The following GAD1 variants were observed in gnomAD, a reference collection of about 807,000 sequenced individuals.
GAD1 encodes 67 kDa glutamic acid decarboxylase.
GAD1 carries 35 observed loss-of-function variants against 75.2 expected under a neutral mutation model. That is an observed-to-expected ratio of 0.47 (90% CI 0.36 to 0.62). The LOEUF (loss-of-function observed/expected upper bound fraction) is 0.62. GAD1 is among the 20% of genes least tolerant of loss of function. The pLI is 0.00. For missense variants in GAD1, 490 were observed against 758.5 expected (o/e 0.65, Z 4.16); for synonymous variants, 257 against 271.9 (o/e 0.95, Z 0.54).
chr2:170,851,590 G>A (rs3791850), intron 12 of GAD1, among the ~76,000 whole-genome samples: 29,669 of 152,130 alleles, frequency 0.2, 3,181 homozygotes, highest in Middle Eastern at 0.3. Flanking sequence ...TTTAGCTCTA[G>A]GGAGAGCAGA....
chr2:170,818,396 C>G lies in GAD1; in HGVS notation c.-63-133C>G. On this transcript the variant is annotated intron_variant, in intron 1 of 16. Transcript: ENST00000358196. This position sits in a 1 kb window ranked among gnomAD's most constrained non-coding sequence, Gnocchi z 5.9. ...CCTGCGCACCCCTACCAGGCAGGCT[C>G]GCTGCCTTTCCTCCCTCTTGTCTCT... 1 of 626,912 alleles carries G rather than the reference C, an allele frequency of 1.6e-6. No individual in the cohort carries two copies. Among genetic ancestry groups the G allele is most frequent in the Non-Finnish European group, 2.9e-6 (1 of 346,660 alleles). The allele number at this position is 626,912 out of a possible 1,614,324, so 38.8% of individuals were successfully genotyped here.
chr2:170,820,331 C>T (rs1407758006), intron 2 of GAD1, among the ~76,000 whole-genome samples: 3 of 152,204 alleles, frequency 2.0e-5, no homozygotes, highest in Non-Finnish European at 4.4e-5. Flanking sequence ...GCCTGGTTCG[C>T]CTGGAAGCTG....
chr2:170,823,270 C>G (rs867628647), intron 3 of GAD1, among the ~76,000 whole-genome samples: 3 of 152,230 alleles, frequency 2.0e-5, no homozygotes, highest in Admixed American at 6.5e-5. Flanking sequence ...GAGAGCCGCC[C>G]GCCGCCTGGG....
At position 170,818,575 on chromosome 2, in the gene GAD1, C is replaced by G. The variant is rs1253735999; in HGVS notation, c.-17C>G. ...TCGAGGACTCTGGACAGTAGAGGCCCCGGGACGACCGAGCTGATGGCGTCT... is the reference window on the plus strand; with the variant it reads ...TCGAGGACTCTGGACAGTAGAGGCCGCGGGACGACCGAGCTGATGGCGTCT... On this transcript the variant is annotated 5_prime_UTR_variant, in exon 2 of 17. Transcript: ENST00000358196. This position sits in a 1 kb window ranked among gnomAD's most constrained non-coding sequence, Gnocchi z 5.9. 6.2e-7 allele frequency: 1 copy of G among 1,613,600 alleles called. No individual in the cohort carries two copies.
Position 170,831,094 on chromosome 2 carries a change from G to T in GAD1, c.449G>T (p.Gly150Val), listed in dbSNP as rs2105778502. 6.2e-7 allele frequency: 1 copy of T among 1,614,228 alleles called. No individual in the cohort carries two copies. Among genetic ancestry groups the T allele is most frequent in the South Asian group, 1.1e-5 (1 of 91,084 alleles). ...DFHHPHQLLE[G>V]MEGFNLELSD... ...CATCACCCACACCAGTTGCTGGAAG[G>T]CATGGAGGGCTTCAACTTGGAGCTC... The change falls in exon 5 of 17, where the codon GGC becomes GTC. Residue 150 changes from glycine to valine, a missense_variant. By Grantham distance (109) the Gly-to-Val change is moderately radical. Transcript: ENST00000358196.
At chr2:170,822,023 T>G in intron 2 of GAD1, 64 bp from the exon 3 acceptor site, 1 of 1,333,074 alleles carries the variant, frequency 7.5e-7, no homozygotes, top group Admixed American at 1.9e-5. Flanking sequence ...ACCATTGTCC[T>G]CCACCCATTT....
intron 4 of GAD1, chr2:170,829,922 T>C: frequency 2.4e-6 from 1 of 410,680 alleles, no homozygotes; most frequent in South Asian, 2.4e-5. Flanking sequence ...AAAGGAACCT[T>C]GCATATAAGA....
chr2:170,839,636 G>A (rs1702459126), intron 6 of GAD1, among the ~76,000 whole-genome samples: 1 of 151,178 alleles, frequency 6.6e-6, no homozygotes, highest in South Asian at 2.1e-4. Flanking sequence ...AAAAATCTAT[G>A]TCCATGCCTT....
intron 11 of GAD1, 50 bp downstream of exon 11, chr2:170,847,842 CT>C (rs1559283274): frequency 2.5e-6 from 3 of 1,221,140 alleles, no homozygotes; most frequent in Non-Finnish European, 3.6e-6. Flanking sequence ...GGAGGCACCT[CT>C]TTTTTATGAC....
chr2:170,818,225 C>A lies in GAD1; in HGVS notation c.-63-304C>A. On this transcript the variant is annotated intron_variant, in intron 1 of 16. Coordinates refer to ENST00000358196, the MANE Select transcript of GAD1 (RefSeq NM_000817.3). The surrounding 1 kb of genome is among the most constrained non-coding windows in gnomAD (Gnocchi z 5.9). Reference sequence around the variant, plus strand: ...CTTGCGTCTTGTACTGGCCTTGGACCCCCACCCCGACCCCGACCCCGCCTC... The same window carrying A: ...CTTGCGTCTTGTACTGGCCTTGGACACCCACCCCGACCCCGACCCCGCCTC... The A allele has an allele frequency of 3.0e-6, 1 of 332,482 alleles. No homozygotes were observed. Among genetic ancestry groups the A allele is most frequent in the Non-Finnish European group, 5.8e-6 (1 of 171,270 alleles). 20.6% of individuals were successfully genotyped at this position (332,482 alleles called of 1,614,324 possible). A position where few individuals can be genotyped will look rare whatever the true frequency, so the allele number is the denominator to read the frequency against.
intron 3 of GAD1, among the ~76,000 whole-genome samples, chr2:170,823,865 T>G (rs1010113836): frequency 4.6e-5 from 7 of 152,014 alleles, no homozygotes; most frequent in Non-Finnish European, 8.8e-5. Context: ...CTGCTGAGGG[T>G]GGGGGGCAGC....
chr2:170,843,529 CAGTT>C (rs1184536782), intron 6 of GAD1, among the ~76,000 whole-genome samples: 1 of 151,764 alleles, frequency 6.6e-6, no homozygotes, highest in Non-Finnish European at 1.5e-5. Flanking sequence ...ATTATCTTCA[CAGTT>C]AGCCTTCAGA....
At position 170,829,563 on chromosome 2, in the gene GAD1, C is replaced by T. The variant is rs367887066; in HGVS notation, c.234C>T (p.Ser78=). Residue 78 remains serine, a synonymous_variant, in exon 4 of 17, where the codon TCC becomes TCT. Coordinates refer to ENST00000358196, the MANE Select transcript of GAD1 (RefSeq NM_000817.3). ...KERQSSKNLL[S]CENSDRDARF... ...GGCAATCCTCCAAGAACCTGCTTTCCTGTGAAAACAGCGACCGGGATGCCC... is the reference window on the plus strand; with the variant it reads ...GGCAATCCTCCAAGAACCTGCTTTCTTGTGAAAACAGCGACCGGGATGCCC... 11 of 1,613,734 alleles carry T rather than the reference C, an allele frequency of 6.8e-6. No homozygotes were observed. Among genetic ancestry groups the T allele is most frequent in the African/African-American group, 1.3e-5 (1 of 74,930 alleles).
At chr2:170,851,974 A>G (rs575385882) in intron 12 of GAD1, among the ~76,000 whole-genome samples, 13 of 152,200 alleles carry the variant, frequency 8.5e-5, no homozygotes, top group Non-Finnish European at 1.5e-4. Context: ...ATACTGCCCC[A>G]TAAGTGGGTA....
intron 3 of GAD1, among the ~76,000 whole-genome samples, chr2:170,826,286 G>T (rs188205117): frequency 6.6e-6 from 1 of 152,202 alleles, no homozygotes; most frequent in African/African-American, 2.4e-5. Context: ...GTGTCGTAGG[G>T]CCGGGCGCAG....
Position 170,829,637 on chromosome 2 carries a change from G to T in GAD1, c.304+4G>T, listed in dbSNP as rs772843324. On this transcript the variant is annotated splice_donor_region_variant and intron_variant, in intron 4 of 16. Coordinates refer to ENST00000358196, the MANE Select transcript of GAD1 (RefSeq NM_000817.3). ...TTCTCTAATCTGTTTGCTAGAGGTA[G>T]CCCCTGCCCCACTCCCGCCCCATGC... 7 of 1,612,566 alleles carry T rather than the reference G, an allele frequency of 4.3e-6. No individual in the cohort carries two copies. In the Admixed American group the frequency reaches 1.2e-4, roughly 27 times the overall value.
chr2:170,857,299 C>CT (rs1223789378), intron 15 of GAD1, among the ~76,000 whole-genome samples, 174 bp downstream of exon 15: 1 of 152,088 alleles, frequency 6.6e-6, no homozygotes, highest in African/African-American at 2.4e-5. Context: ...TGTCTATGAA[C>CT]TTTTCTTCTG....
intron 3 of GAD1, among the ~76,000 whole-genome samples, chr2:170,824,246 G>A (rs888772874): frequency 3.3e-5 from 5 of 152,156 alleles, no homozygotes; most frequent in African/African-American, 1.2e-4. Context: ...CATTAGGTTT[G>A]ATTGTGAAAG....
chr2:170,856,918 CT>C, intron 14 of GAD1, 99 bp from the exon 15 acceptor site: 2 of 947,602 alleles, frequency 2.1e-6, no homozygotes, highest in Non-Finnish European at 1.7e-6. Flanking sequence ...TCCAAAAATA[CT>C]TTTTTTGTTT....
Sources: gnomAD v4.1 joint callset for allele counts (sites outside exome capture counted in the v4.1 genomes callset) on GRCh38, gnomAD v4.1.1 for gene constraint, Gnocchi (gnomAD v3.1) non-coding constraint, MANE v1.5 for transcripts, NCBI Gene and HGNC (gene_info 2026-07-23, HGNC 2026-07-21) for gene names.